Variants in CEP112 observed in about 807,000 individuals in gnomAD.
The protein encoded by CEP112 is centrosomal protein 112.
Under a neutral mutation model 153.0 loss-of-function variants are expected in CEP112, and 127 were observed. The ratio of observed to expected loss-of-function variants is 0.83; its 90% confidence interval spans 0.72 to 0.96. The LOEUF is 0.96. CEP112 is among the 40% of genes least tolerant of loss of function. The pLI is 0.00. For missense variants in CEP112, 1,089 were observed against 1,101.2 expected (o/e 0.99, Z 0.16); for synonymous variants, 358 against 374.4 (o/e 0.96, Z 0.51).
chr17:65,970,820 A>T (rs1440481903), intron 17 of CEP112, among the ~76,000 whole-genome samples: 1 of 152,278 alleles, frequency 6.6e-6, no homozygotes, highest in Non-Finnish European at 1.5e-5. Flanking sequence ...GCGCATGTAT[A>T]TTGCATGCAT....
At chr17:66,128,612 T>A (rs2069974188) in intron 6 of CEP112, among the ~76,000 whole-genome samples, 1 of 152,176 alleles carries the variant, frequency 6.6e-6, no homozygotes, top group South Asian at 2.1e-4. Flanking sequence ...GAAGACAATG[T>A]ACCAAAGATG....
At chr17:65,870,065 G>GAAAGAAAGAAAGAAAGAAAAGA (rs2058614089) in intron 20 of CEP112, among the ~76,000 whole-genome samples, 6 of 79,238 alleles carry the variant, frequency 7.6e-5, no homozygotes, top group African/African-American at 1.2e-4. Flanking sequence ...AAGAAAGAAA[G>GAAAGAAAGAAAGAAAGAAAAGA]AAAGAAAGAA....
At chr17:66,118,341 T>C (rs2069404015) in intron 6 of CEP112, among the ~76,000 whole-genome samples, 2 of 152,094 alleles carry the variant, frequency 1.3e-5, no homozygotes, top group African/African-American at 2.4e-5. Flanking sequence ...AAAGAAAACA[T>C]GGTATATATA....
chr17:65,660,059 A>T (rs908428836), intron 24 of CEP112, among the ~76,000 whole-genome samples: 4 of 152,180 alleles, frequency 2.6e-5, no homozygotes, highest in Admixed American at 1.3e-4. Flanking sequence ...TAAGTGAGAT[A>T]GGTGGAGACA....
intron 24 of CEP112, among the ~76,000 whole-genome samples, chr17:65,666,592 G>T (rs987274655): frequency 3.9e-5 from 6 of 152,176 alleles, no homozygotes; most frequent in African/African-American, 1.4e-4. Context: ...AGAGAACAAG[G>T]TATAAATCAA....
chr17:66,109,062 T>C (rs2068904913), intron 6 of CEP112, among the ~76,000 whole-genome samples: 1 of 152,072 alleles, frequency 6.6e-6, no homozygotes, highest in Non-Finnish European at 1.5e-5. Flanking sequence ...GAGTTAAAAA[T>C]TAAAACAGTT....
chr17:66,064,614 A>C (rs1240720640), intron 10 of CEP112, among the ~76,000 whole-genome samples: 2 of 152,200 alleles, frequency 1.3e-5, no homozygotes, highest in African/African-American at 4.8e-5. Context: ...CTACACAACA[A>C]ATAAGGAGAG....
rs536225854 is a variant in CEP112 at position 65,677,136 on chromosome 17, T to G, written c.2697+11993A>C. On this transcript the variant is annotated intron_variant, in intron 24 of 26. Transcript: ENST00000535342. ...AAACTGGACAATCTGGCTGTCAGCG[T>G]GCTCTTTACCTCCTATTTCTTCTCA... 5.9e-5 allele frequency among the ~76,000 whole-genome samples: 9 copies of G among 152,320 alleles called. 1 individual carries two copies. The East Asian group carries it at 1.3e-3, about 23-fold the overall frequency.
chr17:65,896,406 T>A (rs1364076787), intron 20 of CEP112, among the ~76,000 whole-genome samples: 1 of 152,062 alleles, frequency 6.6e-6, no homozygotes, highest in African/African-American at 2.4e-5. Flanking sequence ...TACAGAACTT[T>A]AGAATTATAA....
At chr17:65,972,798 C>T (rs1421221187) in intron 17 of CEP112, among the ~76,000 whole-genome samples, 1 of 152,206 alleles carries the variant, frequency 6.6e-6, no homozygotes, top group African/African-American at 2.4e-5. Context: ...GACGGAGTCT[C>T]ACTCTTGCCC....
intron 23 of CEP112, among the ~76,000 whole-genome samples, chr17:65,690,261 A>AT (rs1341284341): frequency 6.6e-6 from 1 of 151,646 alleles, no homozygotes; most frequent in Non-Finnish European, 1.5e-5. Flanking sequence ...CTTTTCTACA[A>AT]TTTTTTAAAA....
intron 4 of CEP112, among the ~76,000 whole-genome samples, chr17:66,143,681 A>G (rs906916276): frequency 6.6e-6 from 1 of 152,210 alleles, no homozygotes; most frequent in Admixed American, 6.5e-5. Flanking sequence ...GAAAATATGC[A>G]TTTGGTTCCC....
At chr17:65,814,223 G>C (rs1378272614) in intron 21 of CEP112, among the ~76,000 whole-genome samples, 1 of 152,188 alleles carries the variant, frequency 6.6e-6, no homozygotes, top group Non-Finnish European at 1.5e-5. Context: ...TGTGGAATGT[G>C]TGTCTAACAT....
intron 21 of CEP112, among the ~76,000 whole-genome samples, chr17:65,792,369 CT>C (rs957759375): frequency 2.6e-5 from 4 of 151,940 alleles, no homozygotes; most frequent in Non-Finnish European, 4.4e-5. Context: ...CAAAACAATT[CT>C]TTTTTTTCAT....
chr17:65,847,263 T>G (rs1307082847), intron 21 of CEP112, among the ~76,000 whole-genome samples: 1 of 152,208 alleles, frequency 6.6e-6, no homozygotes, highest in Non-Finnish European at 1.5e-5. Flanking sequence ...GGATCCCTTG[T>G]GTTCTCACTT....
intron 17 of CEP112, among the ~76,000 whole-genome samples, chr17:65,994,582 G>A (rs950565117): frequency 6.6e-6 from 1 of 152,150 alleles, no homozygotes; most frequent in Non-Finnish European, 1.5e-5. Flanking sequence ...TCCTGCCTTG[G>A]ACTTCCAAAG....
intron 17 of CEP112, among the ~76,000 whole-genome samples, chr17:65,994,870 T>G (rs748187648): frequency 1.3e-5 from 2 of 152,124 alleles, no homozygotes; most frequent in Non-Finnish European, 2.9e-5. Context: ...GGGGCCACTT[T>G]CGGTTCTCTT....
Position 65,902,336 on chromosome 17 carries a change from T to C in CEP112, c.1981-2A>G. 5 of 1,611,516 alleles carry C rather than the reference T, an allele frequency of 3.1e-6. No homozygotes were observed. Among genetic ancestry groups the C allele is most frequent in the Non-Finnish European group, 4.2e-6 (5 of 1,179,002 alleles). The stretch of plus-strand genomic sequence containing the variant: ...ATGCTCCAGCTTCAGCTCTACTATC[T>C]GATTGGACAATGAGGAGGACAGTTC... On this transcript the variant is annotated splice_acceptor_variant, in intron 19 of 26. Transcript: ENST00000535342. LOFTEE classifies it high-confidence loss of function.
chr17:65,987,455 TA>T (rs1017230812), intron 17 of CEP112, among the ~76,000 whole-genome samples: 1 of 151,848 alleles, frequency 6.6e-6, no homozygotes, highest in Non-Finnish European at 1.5e-5. Context: ...AAATAAATGC[TA>T]AAAAAAGGAA....
Sources: allele counts gnomAD v4.1 joint callset (sites outside exome capture counted in the v4.1 genomes callset), GRCh38; gene constraint gnomAD v4.1.1; transcripts MANE v1.5; gene names NCBI Gene and HGNC (gene_info 2026-07-23, HGNC 2026-07-21).